The following CNTN4 variants were observed in gnomAD, a reference collection of about 807,000 sequenced individuals.
CNTN4 encodes the protein contactin-4.
In CNTN4, 77 loss-of-function variants were observed where a neutral mutation model predicts 122.5. That is an observed-to-expected ratio of 0.63 (90% CI 0.52 to 0.76). The LOEUF is 0.76. Among genes scored for constraint, CNTN4 ranks in the 30% least tolerant of loss-of-function variants. The pLI, the probability that CNTN4 is intolerant of heterozygous loss-of-function variation, is 0.00. For synonymous variants in CNTN4, 512 were observed against 447.0 expected (o/e 1.15, Z -1.83); for missense variants, 1,256 against 1,259.1 (o/e 1.00, Z 0.04).
At chr3:3,020,793 G>A (rs1698223581) in intron 14 of CNTN4, among the ~76,000 whole-genome samples, 1 of 152,174 alleles carries the variant, frequency 6.6e-6, no homozygotes, top group African/African-American at 2.4e-5. Context: ...TTTGAGGACT[G>A]TTGTCATGTC....
intron 4 of CNTN4, among the ~76,000 whole-genome samples, chr3:2,652,839 TA>T (rs1305918279): frequency 6.6e-6 from 1 of 152,182 alleles, no homozygotes; most frequent in East Asian, 1.9e-4. Flanking sequence ...AGCTGTTGTT[TA>T]AAATACTTAT....
intron 13 of CNTN4, 43 bp from the exon 14 acceptor site, chr3:2,988,302 G>T (rs947875555): frequency 6.3e-7 from 1 of 1,592,084 alleles, no homozygotes; most frequent in Non-Finnish European, 8.6e-7. Flanking sequence ...TAGGTCATAT[G>T]AGATAAATTT....
chr3:2,344,232 T>C (rs1278892905), intron 3 of CNTN4, among the ~76,000 whole-genome samples: 1 of 151,646 alleles, frequency 6.6e-6, no homozygotes, highest in African/African-American at 2.4e-5. Context: ...ACTGCCTTCC[T>C]GAGAGTCCTG....
At chr3:2,525,515 A>G (rs1341065327) in intron 3 of CNTN4, among the ~76,000 whole-genome samples, 4 of 152,166 alleles carry the variant, frequency 2.6e-5, no homozygotes, top group Non-Finnish European at 4.4e-5. Flanking sequence ...TCAAACAAGC[A>G]AGTATTTTAC....
intron 12 of CNTN4, among the ~76,000 whole-genome samples, chr3:2,908,043 T>G (rs1042215698): frequency 6.6e-6 from 1 of 152,272 alleles, no homozygotes; most frequent in East Asian, 1.9e-4. Flanking sequence ...TTAGCCTGAG[T>G]CATGGATGAG....
chr3:2,428,865 C>G (rs187833748), intron 3 of CNTN4, among the ~76,000 whole-genome samples: 1 of 152,148 alleles, frequency 6.6e-6, no homozygotes, highest in African/African-American at 2.4e-5. Flanking sequence ...TTGATCGAAT[C>G]GGCTACTGAA....
At chr3:2,978,706 A>G (rs926102233) in intron 13 of CNTN4, among the ~76,000 whole-genome samples, 4 of 152,080 alleles carry the variant, frequency 2.6e-5, no homozygotes, top group Admixed American at 2.6e-4. Context: ...GATGTACGTG[A>G]GACCTTTGGT....
At position 3,034,558 on chromosome 3, in the gene CNTN4, A is replaced by G. The variant is rs1056728220; in HGVS notation, c.1784-74A>G. The G allele has an allele frequency of 6.1e-6, 9 of 1,466,068 alleles. No homozygotes were observed. In the African/African-American group the frequency reaches 1.3e-4, roughly 20 times the overall value. 90.8% of individuals were successfully genotyped at this position (1,466,068 alleles called of 1,614,324 possible). A position where few individuals can be genotyped will look rare whatever the true frequency, so the allele number is the denominator to read the frequency against. ...AGATAAATGAATGGGTCAATGCCCC[A>G]TTCAAGTATGTGGCTCCTTTACTTG... is the stretch of plus-strand genomic sequence containing the variant. On this transcript the variant is annotated intron_variant, in intron 16 of 24. Transcript: ENST00000418658.
intron 2 of CNTN4, among the ~76,000 whole-genome samples, chr3:2,208,108 T>C (rs923854386): frequency 2.0e-5 from 3 of 152,182 alleles, no homozygotes; most frequent in African/African-American, 7.2e-5. Context: ...ATTTAAGATA[T>C]ATACTTCATA....
At chr3:2,121,966 C>CCATCCTGGCTAA (rs1276301932) in intron 2 of CNTN4, among the ~76,000 whole-genome samples, 19 of 151,894 alleles carry the variant, frequency 1.3e-4, no homozygotes, top group East Asian at 2.0e-4. Context: ...GAGATCGAGA[C>CCATCCTGGCTAA]CACGGTGAAA....
At chr3:2,641,621 A>G (rs1179949486) in intron 4 of CNTN4, among the ~76,000 whole-genome samples, 1 of 152,150 alleles carries the variant, frequency 6.6e-6, no homozygotes, top group Non-Finnish European at 1.5e-5. Context: ...CATCTTCACA[A>G]TGACCCTAGT....
intron 2 of CNTN4, among the ~76,000 whole-genome samples, chr3:2,268,172 T>C (rs978691032): frequency 3.3e-5 from 5 of 152,122 alleles, no homozygotes; most frequent in African/African-American, 1.2e-4. Context: ...TGTTCGATGA[T>C]ACAGGTAGGA....
At chr3:2,925,285 G>A (rs1482165046) in intron 12 of CNTN4, among the ~76,000 whole-genome samples, 1 of 152,186 alleles carries the variant, frequency 6.6e-6, no homozygotes, top group African/African-American at 2.4e-5. Flanking sequence ...GCTGGGTGTG[G>A]TGGCTCATGC....
intron 4 of CNTN4, among the ~76,000 whole-genome samples, chr3:2,593,897 T>TATATAAATA (rs2080627073): frequency 6.6e-6 from 1 of 152,186 alleles, no homozygotes; most frequent in Non-Finnish European, 1.5e-5. Context: ...TTCCAAGCAG[T>TATATAAATA]TATATTTATA....
chr3:2,587,945 A>C (rs1375746666), intron 4 of CNTN4, among the ~76,000 whole-genome samples: 1 of 152,134 alleles, frequency 6.6e-6, no homozygotes, highest in East Asian at 1.9e-4. Flanking sequence ...CAGACTCTGC[A>C]CAAGTAAAGA....
intron 2 of CNTN4, among the ~76,000 whole-genome samples, chr3:2,286,499 G>A (rs2149945089): frequency 6.6e-6 from 1 of 151,932 alleles, no homozygotes; most frequent in Middle Eastern, 3.4e-3. Flanking sequence ...AAAAACAAGA[G>A]TAACATAAAA....
At chr3:2,303,952 CTTTGGATTTTTCAT>C (rs942972054) in intron 2 of CNTN4, among the ~76,000 whole-genome samples, 3 of 151,970 alleles carry the variant, frequency 2.0e-5, no homozygotes, top group Non-Finnish European at 2.9e-5. Context: ...AGATTATCAC[CTTTGGATTTTTCAT>C]TTTCAATAGG....
chr3:2,653,252 A>C (rs1231002409), intron 4 of CNTN4, among the ~76,000 whole-genome samples: 1 of 152,282 alleles, frequency 6.6e-6, no homozygotes, highest in Non-Finnish European at 1.5e-5. Context: ...AAGTTATATT[A>C]CATTTCAACA....
intron 3 of CNTN4, among the ~76,000 whole-genome samples, chr3:2,431,840 A>G (rs1262557122): frequency 1.3e-5 from 2 of 152,198 alleles, no homozygotes; most frequent in East Asian, 3.8e-4. Flanking sequence ...TGGAGCCTGA[A>G]TCAAGGTTAA....
Sources: allele counts gnomAD v4.1 joint callset (sites outside exome capture counted in the v4.1 genomes callset), GRCh38; gene constraint gnomAD v4.1.1; transcripts MANE v1.5; gene names NCBI Gene and HGNC (gene_info 2026-07-23, HGNC 2026-07-21).